Variants in SYNPR observed in about 807,000 individuals in gnomAD.
SYNPR encodes synaptoporin.
In SYNPR, 23 loss-of-function variants were observed where a neutral mutation model predicts 32.9. The observed-to-expected ratio is 0.70, with a 90% CI of 0.50 to 0.99. The LOEUF is 0.99. SYNPR is among the 50% of genes least tolerant of loss of function. SYNPR has a pLI of 0.00. For synonymous variants in SYNPR, 146 were observed against 135.9 expected, an observed-to-expected ratio of 1.07 and a Z score of -0.52; for missense variants, 318 against 349.3, an observed-to-expected ratio of 0.91 and a Z score of 0.71.
At chr3:63,335,728 G>A (rs1186150145) in intron 2 of SYNPR, among the ~76,000 whole-genome samples, 1 of 147,256 alleles carries the variant, frequency 6.8e-6, no homozygotes, top group Non-Finnish European at 1.5e-5. Flanking sequence ...AGTCTTTAAA[G>A]GCCACTTTTC....
In SYNPR at chr3:63,439,551, C is replaced by A. The variant is rs118081528; in HGVS notation, c.85-41281C>A. 1.5e-3 allele frequency among the ~76,000 whole-genome samples: 226 copies of A among 152,184 alleles called. 4 individuals carry two copies. The East Asian group carries it at 0.034, about 23-fold the overall frequency. ...TAATGACAAATATATGGGCAAGTAT[C>A]AAAAAATCAGCTACTGTATGTGGGC... On this transcript the variant is annotated intron_variant, in intron 2 of 5. Transcript: ENST00000478300.
chr3:63,372,517 C>T (rs2087829411), intron 2 of SYNPR, among the ~76,000 whole-genome samples: 1 of 152,126 alleles, frequency 6.6e-6, no homozygotes, highest in Non-Finnish European at 1.5e-5. Context: ...GGAGAGAGGC[C>T]AGTCTGTTTC....
chr3:63,237,810 C>A (rs1051365106), intron 1 of SYNPR, among the ~76,000 whole-genome samples: 2 of 151,952 alleles, frequency 1.3e-5, no homozygotes, highest in Non-Finnish European at 2.9e-5. Flanking sequence ...CTGAGAAGCT[C>A]CCACTGGTTC....
At chr3:63,517,574 A>G (rs1701824560) in intron 3 of SYNPR, among the ~76,000 whole-genome samples, 1 of 152,182 alleles carries the variant, frequency 6.6e-6, no homozygotes. Flanking sequence ...AATTACAGGA[A>G]CAATGTTTTA....
chr3:63,222,310 T>C, the SYNPR span, among the ~76,000 whole-genome samples: 3 of 152,172 alleles, frequency 2.0e-5, no homozygotes, highest in South Asian at 4.2e-4. Flanking sequence ...AAAATTTAGA[T>C]AAACTGATCC....
chr3:63,342,000 G>A (rs746843134), intron 2 of SYNPR, among the ~76,000 whole-genome samples: 12 of 152,246 alleles, frequency 7.9e-5, no homozygotes, highest in South Asian at 2.1e-4. Flanking sequence ...TGCATTTTAC[G>A]TTTAGATGTA....
intron 3 of SYNPR, among the ~76,000 whole-genome samples, chr3:63,548,011 G>A (rs1053251293): frequency 5.3e-5 from 8 of 152,102 alleles, no homozygotes; most frequent in East Asian, 3.9e-4. Context: ...TAGCATCACC[G>A]AATACCATGC....
At chr3:63,494,434 CG>C (rs1235611227) in intron 3 of SYNPR, among the ~76,000 whole-genome samples, 1 of 102,644 alleles carries the variant, frequency 9.7e-6, no homozygotes, top group Non-Finnish European at 1.9e-5. Flanking sequence ...TATATATATA[CG>C]TATATATATA....
At chr3:63,420,355 G>A (rs770540455) in intron 2 of SYNPR, among the ~76,000 whole-genome samples, 16 of 152,244 alleles carry the variant, frequency 1.1e-4, no homozygotes, top group South Asian at 4.1e-4. Context: ...CAAGGTATTG[G>A]TATAGCAGTA....
chr3:63,400,930 A>G (rs942688689), intron 2 of SYNPR, among the ~76,000 whole-genome samples: 2 of 152,232 alleles, frequency 1.3e-5, no homozygotes, highest in Non-Finnish European at 2.9e-5. Context: ...CTTGATACAT[A>G]TGATGGAAAA....
chr3:63,206,667 CAT>C, the SYNPR span, among the ~76,000 whole-genome samples: 1 of 152,094 alleles, frequency 6.6e-6, no homozygotes. Context: ...TTGAATGTGA[CAT>C]AGAGATGTAT....
rs114649565 is a variant in SYNPR at position 63,377,174 on chromosome 3, C to A, written c.84+98432C>A. Among the ~76,000 whole-genome samples the A allele has an allele frequency of 5.3e-3, 806 of 152,222 alleles. 6 individuals are homozygous for A. Among genetic ancestry groups the A allele is most frequent in the African/African-American group, 0.018 (751 of 41,562 alleles). ...CTGAAACATATCTGCTGCTAAATGACTTAAACGTTCAAGAAAGAGCACATA... is the reference window on the plus strand; with the variant it reads ...CTGAAACATATCTGCTGCTAAATGAATTAAACGTTCAAGAAAGAGCACATA... On this transcript the variant is annotated intron_variant, in intron 2 of 5. Transcript: ENST00000478300.
the SYNPR span, among the ~76,000 whole-genome samples, chr3:63,201,475 T>A: frequency 6.6e-6 from 1 of 152,264 alleles, no homozygotes; most frequent in South Asian, 2.1e-4. Context: ...GAAATCTACT[T>A]CCATAAATGC....
At chr3:63,221,392 A>G in the SYNPR span, among the ~76,000 whole-genome samples, 1 of 152,122 alleles carries the variant, frequency 6.6e-6, no homozygotes, top group African/African-American at 2.4e-5. Flanking sequence ...ATTATACATC[A>G]ATAATTGTTA....
intron 3 of SYNPR, among the ~76,000 whole-genome samples, chr3:63,539,214 G>C (rs1277329512): frequency 1.3e-5 from 2 of 152,120 alleles, no homozygotes; most frequent in East Asian, 3.9e-4. Context: ...CTGTGTGTTA[G>C]TATTAGTCAT....
chr3:63,604,759 A>C (rs138894249), intron 4 of SYNPR, among the ~76,000 whole-genome samples: 1 of 152,194 alleles, frequency 6.6e-6, no homozygotes, highest in African/African-American at 2.4e-5. Context: ...TTCAATTTTA[A>C]TTACATTATT....
chr3:63,565,750 C>T (rs1483414866), intron 4 of SYNPR, among the ~76,000 whole-genome samples: 2 of 152,170 alleles, frequency 1.3e-5, no homozygotes, highest in African/African-American at 4.8e-5. Context: ...GTTACCTGTC[C>T]TAGAGGCAAT....
intron 3 of SYNPR, among the ~76,000 whole-genome samples, chr3:63,481,880 G>A (rs1701055293): frequency 6.6e-6 from 1 of 152,072 alleles, no homozygotes; most frequent in South Asian, 2.1e-4. Context: ...TGGGATGCTT[G>A]GTAACATTAT....
At chr3:63,568,655 GC>G (rs1297140729) in intron 4 of SYNPR, among the ~76,000 whole-genome samples, 2 of 152,160 alleles carry the variant, frequency 1.3e-5, no homozygotes, top group Admixed American at 1.3e-4. Flanking sequence ...TGACCACATT[GC>G]CCATGATGTA....
Sources: allele counts gnomAD v4.1 joint callset (sites outside exome capture counted in the v4.1 genomes callset), GRCh38; gene constraint gnomAD v4.1.1; transcripts MANE v1.5; gene names NCBI Gene and HGNC (gene_info 2026-07-23, HGNC 2026-07-21).